MARCO: variants seen among roughly 807,000 people sequenced by gnomAD.
MARCO encodes the protein macrophage receptor MARCO.
In MARCO, 72 loss-of-function variants were observed where a neutral mutation model predicts 70.0. The ratio of observed to expected loss-of-function variants is 1.03; its 90% CI spans 0.85 to 1.25. MARCO has a LOEUF of 1.25. MARCO is among the 50% of genes most tolerant of loss of function. The probability of loss-of-function intolerance (pLI) is 0.00; values close to 1 mark genes in which losing one functional copy is unlikely to be tolerated. For synonymous variants in MARCO, 273 were observed against 243.1 expected, an observed-to-expected ratio of 1.12 and a Z score of -1.14; for missense variants, 696 against 659.3, an observed-to-expected ratio of 1.06 and a Z score of -0.61.
chr2:118,992,768 C>T (rs1430180288), intron 15 of MARCO, among the ~76,000 whole-genome samples: 1 of 151,580 alleles, frequency 6.6e-6, no homozygotes, highest in Non-Finnish European at 1.5e-5. Context: ...TCTTTCCTCT[C>T]CATCCCTCCT....
chr2:118,961,649 T>C (rs1679949033), intron 1 of MARCO, among the ~76,000 whole-genome samples: 1 of 152,194 alleles, frequency 6.6e-6, no homozygotes, highest in Admixed American at 6.5e-5. Context: ...CGCAAAAAAT[T>C]TTCTCTCACT....
chr2:118,965,904 G>C (rs115548877), intron 1 of MARCO, among the ~76,000 whole-genome samples: 5,867 of 152,314 alleles, frequency 0.039, 171 homozygotes, highest in Non-Finnish European at 0.051. Flanking sequence ...CAGGTAGGAA[G>C]TGAGATACAT....
chr2:118,968,389 C>T (rs953047768), intron 1 of MARCO, among the ~76,000 whole-genome samples: 2 of 152,136 alleles, frequency 1.3e-5, no homozygotes, highest in African/African-American at 2.4e-5. Context: ...AGGAAAATGT[C>T]CACGAAAATC....
At position 118,994,089 on chromosome 2, in the gene MARCO, C is replaced by T. The variant is rs189972581; in HGVS notation, c.1430-298C>T. Among the ~76,000 whole-genome samples the T allele has an allele frequency of 5.1e-3, 783 of 152,216 alleles. 7 individuals are homozygous for T. Among genetic ancestry groups the T allele is most frequent in the African/African-American group, 0.017 (714 of 41,528 alleles). The stretch of plus-strand genomic sequence containing the variant: ...TTGCAGGGAGGAAACTAAAGGACAC[C>T]CGCCTAGGAAGATATTTCAAATAGT... On this transcript the variant is annotated intron_variant, in intron 16 of 16. Transcript: ENST00000327097.
chr2:118,981,685 C>A, intron 10 of MARCO, 29 bp downstream of exon 10: 1 of 1,606,964 alleles, frequency 6.2e-7, no homozygotes, highest in Non-Finnish European at 8.5e-7. Context: ...TGGGCATCAT[C>A]CCAGCTACGA....
At chr2:118,970,382 C>A in intron 3 of MARCO, 44 bp downstream of exon 3, 1 of 1,437,986 alleles carries the variant, frequency 7.0e-7, no homozygotes. Context: ...CAACAGAGGT[C>A]TGGGAGACAG....
chr2:118,946,547 C>T (rs935587391), intron 1 of MARCO, among the ~76,000 whole-genome samples: 5 of 152,134 alleles, frequency 3.3e-5, no homozygotes, highest in African/African-American at 1.2e-4. Context: ...ATGAATATAT[C>T]AAAGATTGTT....
chr2:118,967,181 G>T, intron 1 of MARCO, among the ~76,000 whole-genome samples: 1 of 152,206 alleles, frequency 6.6e-6, no homozygotes, highest in East Asian at 1.9e-4. Context: ...AGCCAAGGGG[G>T]GTTCCACCCA....
chr2:118,983,696 G>C (rs763052653), intron 12 of MARCO, among the ~76,000 whole-genome samples: 12 of 152,022 alleles, frequency 7.9e-5, no homozygotes, highest in Non-Finnish European at 1.3e-4. Flanking sequence ...CCCAGTCTCA[G>C]AGTCCATCTG....
chr2:118,962,595 C>T (rs1220119994), intron 1 of MARCO, among the ~76,000 whole-genome samples: 1 of 151,950 alleles, frequency 6.6e-6, no homozygotes, highest in Non-Finnish European at 1.5e-5. Flanking sequence ...ACTGGACTAT[C>T]TTTGATTTTC....
chr2:118,968,989 G>T (rs1680109186), intron 1 of MARCO, among the ~76,000 whole-genome samples, 171 bp from the exon 2 acceptor site: 1 of 152,198 alleles, frequency 6.6e-6, no homozygotes, highest in Admixed American at 6.5e-5. Flanking sequence ...TTTTTGCTTT[G>T]TGGCAAGAAA....
chr2:118,983,839 C>T (rs1680437583), intron 12 of MARCO, among the ~76,000 whole-genome samples: 2 of 152,072 alleles, frequency 1.3e-5, no homozygotes, highest in African/African-American at 2.4e-5. Context: ...CGGTTCTCAA[C>T]TAACCAAGAG....
At chr2:118,958,894 C>A (rs868493952) in intron 1 of MARCO, among the ~76,000 whole-genome samples, 48 of 152,166 alleles carry the variant, frequency 3.2e-4, no homozygotes, top group African/African-American at 1.0e-3. Flanking sequence ...GGAAAGGACA[C>A]CCTTTTCAAC....
At chr2:118,972,128 A>G (rs1243632933) in intron 4 of MARCO, among the ~76,000 whole-genome samples, 1 of 152,178 alleles carries the variant, frequency 6.6e-6, no homozygotes, top group African/African-American at 2.4e-5. Context: ...GACTCGCCTC[A>G]CAGAGTTGCT....
intron 8 of MARCO, among the ~76,000 whole-genome samples, chr2:118,980,113 C>T (rs1414363465): frequency 1.3e-5 from 2 of 152,180 alleles, no homozygotes; most frequent in Non-Finnish European, 2.9e-5. Context: ...TCATGTGGCC[C>T]AGCAATGCTG....
At chr2:118,988,537 G>C (rs1680558579) in intron 12 of MARCO, among the ~76,000 whole-genome samples, 1 of 152,082 alleles carries the variant, frequency 6.6e-6, no homozygotes, top group Non-Finnish European at 1.5e-5. Flanking sequence ...AGGGTGCCAT[G>C]TTGCAGAAAT....
chr2:118,973,838 T>C (rs1680222741), intron 4 of MARCO, among the ~76,000 whole-genome samples: 1 of 152,158 alleles, frequency 6.6e-6, no homozygotes, highest in African/African-American at 2.4e-5. Flanking sequence ...CTGGACTTCT[T>C]TCCTTCCTCC....
intron 12 of MARCO, among the ~76,000 whole-genome samples, chr2:118,990,025 A>G (rs1430032858): frequency 1.3e-5 from 2 of 152,214 alleles, no homozygotes; most frequent in Non-Finnish European, 2.9e-5. Flanking sequence ...ATTAACTACA[A>G]TAGGATCATC....
intron 1 of MARCO, among the ~76,000 whole-genome samples, chr2:118,951,487 T>C (rs1000435332): frequency 3.3e-5 from 5 of 152,272 alleles, no homozygotes; most frequent in Non-Finnish European, 5.9e-5. Flanking sequence ...GTGCTCACAA[T>C]GAGGTTTCCT....
Sources: gnomAD v4.1 joint callset for allele counts (sites outside exome capture counted in the v4.1 genomes callset) on GRCh38, gnomAD v4.1.1 for gene constraint, MANE v1.5 for transcripts, NCBI Gene and HGNC (gene_info 2026-07-23, HGNC 2026-07-21) for gene names.